The following TMEM229A variants were observed in gnomAD, a reference collection of about 807,000 sequenced individuals.
The protein encoded by TMEM229A is transmembrane protein 229A.
In TMEM229A, 23 loss-of-function variants were observed where a neutral mutation model predicts 30.0. The observed-to-expected ratio is 0.77, with a 90% confidence interval of 0.55 to 1.09. The LOEUF (loss-of-function observed/expected upper bound fraction) is 1.09, where lower values mean the gene tolerates loss of function less well. Among genes scored for constraint, TMEM229A ranks in the 50% least tolerant of loss-of-function variants. The probability of loss-of-function intolerance (pLI) is 0.00; values close to 1 mark genes in which losing one functional copy is unlikely to be tolerated. For missense variants in TMEM229A, 534 were observed against 525.9 expected (o/e 1.02, Z -0.15); for synonymous variants, 264 against 241.5 (o/e 1.09, Z -0.86).
At position 124,032,457 on chromosome 7, in the gene TMEM229A, C is replaced by A; in HGVS notation, c.547G>T (p.Gly183Trp). 6.5e-7 allele frequency: 1 copy of A among 1,548,416 alleles called. No individual in the cohort carries two copies. Residue 183 changes from glycine (G) to tryptophan (W), a missense_variant, in exon 1 of 1, where the codon GGG becomes TGG. Physicochemically the swap from Gly to Trp is radical, Grantham distance 184. Transcript: ENST00000455783. The surrounding 1 kb of genome is among the most constrained non-coding windows in gnomAD (Gnocchi z 6.6). ...TGCTGCTGCCGCCGCCTCTGTCGCCCGTACCGCAAGCGCAGGAAGCGCTTC... is the reference window on the plus strand; with the variant it reads ...TGCTGCTGCCGCCGCCTCTGTCGCCAGTACCGCAAGCGCAGGAAGCGCTTC... ...FLKRFLRLRY[G>W]RQRRRQQQQQ... is the part of the protein sequence containing the mutation.
chr7:124,032,211 G>A lies in TMEM229A; in HGVS notation c.793C>T (p.Leu265=), dbSNP rs1793142786. The change falls in exon 1 of 1, where the codon CTG becomes TTG. Residue 265 remains leucine, a synonymous_variant. Transcript: ENST00000455783. This position sits in a 1 kb window ranked among gnomAD's most constrained non-coding sequence, Gnocchi z 6.6. ...CTGGTTGTCCCGTCCCCCTGCCCCA[G>A]TACGTTGAAGAAGAAGGTGAAGAAG... ...EIFFTFFFNV[L]GQGDGTTSGH... is the part of the protein sequence containing the mutation. 5 of 1,551,762 alleles carry A rather than the reference G, an allele frequency of 3.2e-6. No individual in the cohort carries two copies. Among genetic ancestry groups the A allele is most frequent in the Non-Finnish European group, 3.5e-6 (4 of 1,147,018 alleles).
Position 124,032,402 on chromosome 7 carries a change from CGCTGCTGCTGCTGCT to C in TMEM229A, c.587_601del (p.Gln196_Gln200del), listed in dbSNP as rs71163719. On this transcript the variant is annotated inframe_deletion, in exon 1 of 1. Transcript: ENST00000455783. This position sits in a 1 kb window ranked among gnomAD's most constrained non-coding sequence, Gnocchi z 6.6. Reference sequence around the variant, plus strand: ...GGGAGGGACGGGGAGCGCGCCCCTCCGCTGCTGCTGCTGCTGCTGCTGCTGCTGTTGCTGCTGCCG... The same window carrying C: ...GGGAGGGACGGGGAGCGCGCCCCTCCGCTGCTGCTGCTGTTGCTGCTGCCG... 4 of 1,538,926 alleles carry C rather than the reference CGCTGCTGCTGCTGCT, an allele frequency of 2.6e-6. No individual in the cohort carries two copies. Among genetic ancestry groups the C allele is most frequent in the Non-Finnish European group, 3.5e-6 (4 of 1,142,964 alleles).
Position 124,032,936 on chromosome 7 carries a change from G to A in TMEM229A, c.68C>T (p.Ala23Val), listed in dbSNP as rs1793158447. Residue 23 changes from alanine (A) to valine (V), a missense_variant, in exon 1 of 1, where the codon GCC (alanine) becomes GTC (valine). By Grantham distance (64) the Ala-to-Val change is moderately conservative (BLOSUM62 0). Transcript: ENST00000455783. The surrounding 1 kb of genome is among the most constrained non-coding windows in gnomAD (Gnocchi z 6.6). ...CGCCTCGCTTCCTGGCCCGCCAGGG[G>A]CCCCCGGACGCCGCGCCGCGCCGCC... is the stretch of plus-strand genomic sequence containing the variant. ...RRGGAARRPGAPGGPGSEAAA... is the reference protein window; with the variant it reads ...RRGGAARRPGVPGGPGSEAAA... The A allele has an allele frequency of 2.2e-6, 3 of 1,347,022 alleles. No individual in the cohort carries two copies. Among genetic ancestry groups the A allele is most frequent in the Admixed American group, 8.2e-5 (2 of 24,368 alleles). 83.4% of individuals were successfully genotyped at this position (1,347,022 alleles called of 1,614,324 possible).
Position 124,032,331 on chromosome 7 carries a change from G to T in TMEM229A, c.673C>A (p.Arg225Ser). Residue 225 changes from arginine to serine, a missense_variant, in exon 1 of 1, where the codon CGT (arginine) becomes AGT (serine). Coordinates refer to ENST00000455783, the MANE Select transcript of TMEM229A (RefSeq NM_001136002.2). The surrounding 1 kb of genome is among the most constrained non-coding windows in gnomAD (Gnocchi z 6.6). ...TAAGARRRRP[R>S]GPRGAGGAPS... Reference sequence around the variant, plus strand: ...GCTCCCCCGGCGCCCCTGGGGCCACGGGGTCGTCGCCGCCGGGCTCCGGCC... The same window carrying T: ...GCTCCCCCGGCGCCCCTGGGGCCACTGGGTCGTCGCCGCCGGGCTCCGGCC... The T allele has an allele frequency of 6.5e-7, 1 of 1,544,556 alleles. No homozygotes were observed. Among genetic ancestry groups the T allele is most frequent in the Non-Finnish European group, 8.7e-7 (1 of 1,144,672 alleles).
At position 124,032,735 on chromosome 7, in the gene TMEM229A, G is replaced by A. The variant is rs1793154536; in HGVS notation, c.269C>T (p.Ser90Leu). ...CGAGTGCAGCAGGCAGCGGTAGGGC[G>A]AGGAGAAGCCTAGCATCCGCAGGTC... Reference protein sequence around the residue: ...SPDLRMLGFSSPYRCLLHSLT... With the variant: ...SPDLRMLGFSLPYRCLLHSLT... The change falls in exon 1 of 1, where the codon TCG (serine) becomes TTG (leucine). Residue 90 changes from serine (S) to leucine (L), a missense_variant. By Grantham distance (145) the Ser-to-Leu change is moderately radical. Coordinates refer to ENST00000455783, the MANE Select transcript of TMEM229A (RefSeq NM_001136002.2). This position sits in a 1 kb window ranked among gnomAD's most constrained non-coding sequence, Gnocchi z 6.6. 2 of 1,551,328 alleles carry A rather than the reference G, an allele frequency of 1.3e-6. No homozygotes were observed. The highest frequency in any genetic ancestry group is 1.7e-6 in the Non-Finnish European group (2 of 1,146,894).
At position 124,032,050 on chromosome 7, in the gene TMEM229A, G is replaced by A. The variant is rs1007559773; in HGVS notation, c.954C>T (p.Tyr318=). The A allele has an allele frequency of 3.2e-6, 5 of 1,551,692 alleles. No individual in the cohort carries two copies. In the Admixed American group the frequency reaches 9.8e-5, roughly 30 times the overall value. ...CCAGACCCCAGGACAGCTCCCACAC[G>A]TAGATGAAGATCACGTAGATGGGCA... is the stretch of plus-strand genomic sequence containing the variant. ...KRVPIYVIFI[Y]VWELSWGLGL... The change falls in exon 1 of 1, where the codon TAC becomes TAT. Residue 318 remains tyrosine, a synonymous_variant. Transcript: ENST00000455783. This position sits in a 1 kb window ranked among gnomAD's most constrained non-coding sequence, Gnocchi z 6.6.
In TMEM229A at chr7:124,032,734, C is replaced by A. The variant is rs1386036786; in HGVS notation, c.270G>T (p.Ser90=). 2 of 1,551,394 alleles carry A rather than the reference C, an allele frequency of 1.3e-6. No individual in the cohort carries two copies. The highest frequency in any genetic ancestry group is 1.7e-6 in the Non-Finnish European group (2 of 1,146,872). ...SPDLRMLGFS[S]PYRCLLHSLT... The stretch of plus-strand genomic sequence containing the variant: ...GCGAGTGCAGCAGGCAGCGGTAGGG[C>A]GAGGAGAAGCCTAGCATCCGCAGGT... Residue 90 remains serine (S), a synonymous_variant, in exon 1 of 1, where the codon TCG becomes TCT. Transcript: ENST00000455783. The surrounding 1 kb of genome is among the most constrained non-coding windows in gnomAD (Gnocchi z 6.6).
Position 124,032,209 on chromosome 7 carries a change from C to T in TMEM229A, c.795G>A (p.Leu265=), listed in dbSNP as rs750577707. Reference sequence around the variant, plus strand: ...CGCTGGTTGTCCCGTCCCCCTGCCCCAGTACGTTGAAGAAGAAGGTGAAGA... The same window carrying T: ...CGCTGGTTGTCCCGTCCCCCTGCCCTAGTACGTTGAAGAAGAAGGTGAAGA... ...EIFFTFFFNV[L]GQGDGTTSGH... Residue 265 remains leucine, a synonymous_variant, in exon 1 of 1, where the codon CTG becomes CTA. Coordinates refer to ENST00000455783, the MANE Select transcript of TMEM229A (RefSeq NM_001136002.2). The surrounding 1 kb of genome is among the most constrained non-coding windows in gnomAD (Gnocchi z 6.6). 19 of 1,551,668 alleles carry T rather than the reference C, an allele frequency of 1.2e-5. No homozygotes were observed. Among genetic ancestry groups the T allele is most frequent in the Non-Finnish European group, 1.6e-5 (18 of 1,147,016 alleles).
Position 124,032,510 on chromosome 7 carries a change from A to G in TMEM229A, c.494T>C (p.Leu165Pro). ...GAACACTTGGCAGTGGTAGAGCGCC[A>G]GCACGTACTGCAGCGCCAGGTCCAG... Reference protein sequence around the residue: ...GALDLALQYVLALYHCQVFLK... With the variant: ...GALDLALQYVPALYHCQVFLK... The change falls in exon 1 of 1, where the codon CTG becomes CCG. Residue 165 changes from leucine to proline, a missense_variant. Coordinates refer to ENST00000455783, the MANE Select transcript of TMEM229A (RefSeq NM_001136002.2). This position sits in a 1 kb window ranked among gnomAD's most constrained non-coding sequence, Gnocchi z 6.6. 6.5e-7 allele frequency: 1 copy of G among 1,550,134 alleles called. No individual in the cohort carries two copies. The highest frequency in any genetic ancestry group is 8.7e-7 in the Non-Finnish European group (1 of 1,146,478).
In TMEM229A at chr7:124,033,042, C is replaced by T. The variant is rs1167343309; in HGVS notation, c.-39G>A. ...GTCCGAACGCCCGAGGCTGCACCGC[C>T]GCCGCTGCCGGGTGCGCGGAGCTGC... On this transcript the variant is annotated 5_prime_UTR_variant, in exon 1 of 1. Transcript: ENST00000455783. 7 of 1,195,290 alleles carry T rather than the reference C, an allele frequency of 5.9e-6. No homozygotes were observed. The African/African-American group carries it at 1.1e-4, about 19-fold the overall frequency. The allele number at this position is 1,195,290 out of a possible 1,614,324, so 74.0% of individuals were successfully genotyped here.
Position 124,032,956 on chromosome 7 carries a change from G to C in TMEM229A, c.48C>G (p.Gly16=). ...CAGGGGCCCCCGGACGCCGCGCCGC[G>C]CCGCCCCTCCGTGCGGGGCCCTCGC... ...VDSEGPARRG[G]AARRPGAPGG... Residue 16 remains glycine, a synonymous_variant, in exon 1 of 1, where the codon GGC becomes GGG. Transcript: ENST00000455783. This position sits in a 1 kb window ranked among gnomAD's most constrained non-coding sequence, Gnocchi z 6.6. 1 of 1,332,990 alleles carries C rather than the reference G, an allele frequency of 7.5e-7. No individual in the cohort carries two copies. Among genetic ancestry groups the C allele is most frequent in the East Asian group, 3.1e-5 (1 of 31,962 alleles). 82.6% of individuals were successfully genotyped at this position (1,332,990 alleles called of 1,614,324 possible). A position where few individuals can be genotyped will look rare whatever the true frequency, so the allele number is the denominator to read the frequency against.
Position 124,031,827 on chromosome 7 carries a change from T to G in TMEM229A, c.*34A>C. 2 of 1,459,542 alleles carry G rather than the reference T, an allele frequency of 1.4e-6. No homozygotes were observed. Among genetic ancestry groups the G allele is most frequent in the Non-Finnish European group, 1.8e-6 (2 of 1,102,886 alleles). 90.4% of individuals were successfully genotyped at this position (1,459,542 alleles called of 1,614,324 possible). A position where few individuals can be genotyped will look rare whatever the true frequency, so the allele number is the denominator to read the frequency against. On this transcript the variant is annotated 3_prime_UTR_variant, in exon 1 of 1. Coordinates refer to ENST00000455783, the MANE Select transcript of TMEM229A (RefSeq NM_001136002.2). This position sits in a 1 kb window ranked among gnomAD's most constrained non-coding sequence, Gnocchi z 4.1. ...ATCGCATCCATTCGTGGGAATCCAGTGACTTTTTCCTTTTCTTTCTTTCTT... is the reference window on the plus strand; with the variant it reads ...ATCGCATCCATTCGTGGGAATCCAGGGACTTTTTCCTTTTCTTTCTTTCTT...
Position 124,031,966 on chromosome 7 carries a change from C to T in TMEM229A, c.1038G>A (p.Met346Ile). 2.6e-6 allele frequency: 4 copies of T among 1,551,592 alleles called. No homozygotes were observed. The highest frequency in any genetic ancestry group is 2.4e-5 in the South Asian group (2 of 84,050). Residue 346 changes from methionine to isoleucine, a missense_variant, in exon 1 of 1, where the codon ATG becomes ATA. Transcript: ENST00000455783. This position sits in a 1 kb window ranked among gnomAD's most constrained non-coding sequence, Gnocchi z 4.1. ...WDYSHYPLNF[M>I]GLITLMYLPG... ...GTAAATACATCAGGGTGATGAGGCC[C>T]ATAAAATTGAGCGGGTAGTGAGAAT...
In TMEM229A at chr7:124,032,581, T is replaced by G; in HGVS notation, c.423A>C (p.Leu141=). ...GLQTLAGQAL[L]LSLGGGAGVA... is the part of the protein sequence containing the mutation. ...CCCCCGCCCCGCCGCCCAGGCTGAG[T>G]AGTAGCGCCTGGCCCGCTAGGGTCT... is the stretch of plus-strand genomic sequence containing the variant. The change falls in exon 1 of 1, where the codon CTA becomes CTC. Residue 141 remains leucine, a synonymous_variant. Transcript: ENST00000455783. The surrounding 1 kb of genome is among the most constrained non-coding windows in gnomAD (Gnocchi z 6.6). 3.2e-6 allele frequency: 5 copies of G among 1,548,116 alleles called. No homozygotes were observed. The South Asian group carries it at 4.8e-5, about 15-fold the overall frequency.
At position 124,031,748 on chromosome 7, in the gene TMEM229A, G is replaced by T; in HGVS notation, c.*113C>A. ...ACAATTTGGAAGAGTTTAGTAAAGC[G>T]TATAAAAATTAAAGGACTAAAAAAC... On this transcript the variant is annotated 3_prime_UTR_variant, in exon 1 of 1. Coordinates refer to ENST00000455783, the MANE Select transcript of TMEM229A (RefSeq NM_001136002.2). The surrounding 1 kb of genome is among the most constrained non-coding windows in gnomAD (Gnocchi z 4.1). 1.8e-6 allele frequency: 2 copies of T among 1,087,072 alleles called. No individual in the cohort carries two copies. Among genetic ancestry groups the T allele is most frequent in the Non-Finnish European group, 2.5e-6 (2 of 786,704 alleles). The allele number at this position is 1,087,072 out of a possible 1,614,324, so 67.3% of individuals were successfully genotyped here.
At position 124,031,620 on chromosome 7, in the gene TMEM229A, T is replaced by G; in HGVS notation, c.*241A>C. ...TGTAAACGTTTGGGCTTGTAAATGT[T>G]TTAAAACATTGGCAAATAAAGTACT... On this transcript the variant is annotated 3_prime_UTR_variant, in exon 1 of 1. Coordinates refer to ENST00000455783, the MANE Select transcript of TMEM229A (RefSeq NM_001136002.2). The surrounding 1 kb of genome is among the most constrained non-coding windows in gnomAD (Gnocchi z 4.1). 2.3e-6 allele frequency: 1 copy of G among 425,648 alleles called. No individual in the cohort carries two copies. The highest frequency in any genetic ancestry group is 4.1e-6 in the Non-Finnish European group (1 of 245,656). 26.4% of individuals were successfully genotyped at this position (425,648 alleles called of 1,614,324 possible).
In TMEM229A at chr7:124,032,035, G is replaced by A. The variant is rs765537937; in HGVS notation, c.969C>T (p.Ser323=). Residue 323 remains serine (S), a synonymous_variant, in exon 1 of 1, where the codon TCC becomes TCT. Transcript: ENST00000455783. The surrounding 1 kb of genome is among the most constrained non-coding windows in gnomAD (Gnocchi z 6.6). The stretch of plus-strand genomic sequence containing the variant: ...CGCACGTGCGGAGTCCCAGACCCCA[G>A]GACAGCTCCCACACGTAGATGAAGA... ...YVIFIYVWEL[S]WGLGLRTCGA... 3.9e-6 allele frequency: 6 copies of A among 1,551,674 alleles called. No individual in the cohort carries two copies. Among genetic ancestry groups the A allele is most frequent in the Non-Finnish European group, 5.2e-6 (6 of 1,146,992 alleles).
rs1001317415 is a variant in TMEM229A, at chr7:124,032,941, C to G, written c.63G>C (p.Pro21=). ...PARRGGAARR[P]GAPGGPGSEA... ...CGCTTCCTGGCCCGCCAGGGGCCCC[C>G]GGACGCCGCGCCGCGCCGCCCCTCC... is the stretch of plus-strand genomic sequence containing the variant. Residue 21 remains proline (P), a synonymous_variant, in exon 1 of 1, where the codon CCG becomes CCC. Coordinates refer to ENST00000455783, the MANE Select transcript of TMEM229A (RefSeq NM_001136002.2). The surrounding 1 kb of genome is among the most constrained non-coding windows in gnomAD (Gnocchi z 6.6). 2 of 1,343,314 alleles carry G rather than the reference C, an allele frequency of 1.5e-6. No homozygotes were observed. Among genetic ancestry groups the G allele is most frequent in the South Asian group, 2.0e-5 (1 of 50,314 alleles). 83.2% of individuals were successfully genotyped at this position (1,343,314 alleles called of 1,614,324 possible).
At position 124,032,513 on chromosome 7, in the gene TMEM229A, A is replaced by G; in HGVS notation, c.491T>C (p.Val164Ala). The G allele has an allele frequency of 6.5e-7, 1 of 1,550,068 alleles. No individual in the cohort carries two copies. Among genetic ancestry groups the G allele is most frequent in the Non-Finnish European group, 8.7e-7 (1 of 1,146,442 alleles). ...PGALDLALQY[V>A]LALYHCQVFL... is the part of the protein sequence containing the mutation. Reference sequence around the variant, plus strand: ...CACTTGGCAGTGGTAGAGCGCCAGCACGTACTGCAGCGCCAGGTCCAGCGC... The same window carrying G: ...CACTTGGCAGTGGTAGAGCGCCAGCGCGTACTGCAGCGCCAGGTCCAGCGC... Residue 164 changes from valine to alanine, a missense_variant, in exon 1 of 1, where the codon GTG (valine) becomes GCG (alanine). Coordinates refer to ENST00000455783, the MANE Select transcript of TMEM229A (RefSeq NM_001136002.2). This position sits in a 1 kb window ranked among gnomAD's most constrained non-coding sequence, Gnocchi z 6.6.
Sources: gnomAD v4.1 joint callset for allele counts on GRCh38, gnomAD v4.1.1 for gene constraint, Gnocchi (gnomAD v3.1) non-coding constraint, MANE v1.5 for transcripts, NCBI Gene and HGNC (gene_info 2026-07-23, HGNC 2026-07-21) for gene names.